RAB44: variants seen among roughly 807,000 people sequenced by gnomAD.
RAB44 encodes RAB44, member RAS oncogene family.
RAB44 carries 67 observed loss-of-function variants against 93.3 expected under a neutral mutation model. That is an observed-to-expected ratio of 0.72 (90% CI 0.59 to 0.88). RAB44 has a LOEUF of 0.88. RAB44 is among the 40% of genes least tolerant of loss of function. RAB44 has a pLI of 0.00. For missense variants in RAB44, 1,064 were observed against 1,261.7 expected (o/e 0.84, Z 2.37); for synonymous variants, 427 against 520.3 (o/e 0.82, Z 2.44).
chr6:36,708,365 G>A (rs1283495371), intron 2 of RAB44, among the ~76,000 whole-genome samples: 1 of 152,116 alleles, frequency 6.6e-6, no homozygotes, highest in Non-Finnish European at 1.5e-5. Context: ...CATCTCTTCT[G>A]ATTTGATTGC....
At chr6:36,714,179 C>T (rs1293669485) in intron 3 of RAB44, among the ~76,000 whole-genome samples, 1 of 152,232 alleles carries the variant, frequency 6.6e-6, no homozygotes, top group Non-Finnish European at 1.5e-5. Flanking sequence ...TCTCCTGAGC[C>T]AGAGGTCTTG....
rs1562060453 is a variant in RAB44, at chr6:36,717,760, T to TGGTGGG, written c.642-267_642-266insGTGGGG. ...AGGGAGTGGGGACTGAGTGATGGGGTGATGGGGACAATGAGACCCTGGCCA... is the reference window on the plus strand; with the variant it reads ...AGGGAGTGGGGACTGAGTGATGGGGTGGTGGGGATGGGGACAATGAGACCCTGGCCA... On this transcript the variant is annotated intron_variant, in intron 5 of 13. Transcript: ENST00000612677. This position sits in a 1 kb window ranked among gnomAD's most constrained non-coding sequence, Gnocchi z 4.1. 6.6e-6 allele frequency among the ~76,000 whole-genome samples: 1 copy of TGGTGGG among 151,186 alleles called. No homozygotes were observed. The highest frequency in any genetic ancestry group is 2.1e-4 in the South Asian group (1 of 4,764).
At chr6:36,728,030 T>C (rs1763279217) in intron 11 of RAB44, among the ~76,000 whole-genome samples, 2 of 152,226 alleles carry the variant, frequency 1.3e-5, no homozygotes, top group Non-Finnish European at 2.9e-5. Flanking sequence ...CATCTCTAGT[T>C]TTTCCCCTGC....
chr6:36,731,260 GC>G lies in RAB44; in HGVS notation c.2975+513del, dbSNP rs969627602. 1.3e-5 allele frequency among the ~76,000 whole-genome samples: 2 copies of G among 151,918 alleles called. No individual in the cohort carries two copies. Among genetic ancestry groups the G allele is most frequent in the Non-Finnish European group, 2.9e-5 (2 of 67,982 alleles). On this transcript the variant is annotated intron_variant, in intron 13 of 13. Transcript: ENST00000612677. The surrounding 1 kb of genome is among the most constrained non-coding windows in gnomAD (Gnocchi z 4.0). ...AGACTCCCTCCCTGATCACCCACCTGCCATCACTATTTTGGATCACAGCCCC... is the reference window on the plus strand; with the variant it reads ...AGACTCCCTCCCTGATCACCCACCTGCATCACTATTTTGGATCACAGCCCC...
At chr6:36,720,971 C>G (rs1273629296) in intron 8 of RAB44, among the ~76,000 whole-genome samples, 180 bp from the exon 9 acceptor site, 1 of 152,092 alleles carries the variant, frequency 6.6e-6, no homozygotes, top group Non-Finnish European at 1.5e-5. Flanking sequence ...TGAGGATGGA[C>G]AGGATTGGAT....
At position 36,717,345 on chromosome 6, in the gene RAB44, C is replaced by T. The variant is rs2150334045; in HGVS notation, c.567C>T (p.Gly189=). ...EEPQLAGNLA[G]FLAKMTSRLQ... is the part of the protein sequence containing the mutation. ...CCCAGCTGGCAGGCAACCTGGCAGG[C>T]TTTCTGGCCAAGATGACCAGCCGCC... Residue 189 remains glycine, a synonymous_variant, in exon 5 of 14, where the codon GGC becomes GGT. Coordinates refer to ENST00000612677, the MANE Select transcript of RAB44 (RefSeq NM_001257357.2). The surrounding 1 kb of genome is among the most constrained non-coding windows in gnomAD (Gnocchi z 4.1). 8.1e-7 allele frequency: 1 copy of T among 1,232,172 alleles called. No individual in the cohort carries two copies. The highest frequency in any genetic ancestry group is 3.2e-5 in the East Asian group (1 of 31,710). 76.3% of individuals were successfully genotyped at this position (1,232,172 alleles called of 1,614,324 possible).
At chr6:36,699,135 G>A (rs535283659) in intron 1 of RAB44, among the ~76,000 whole-genome samples, 1 of 152,286 alleles carries the variant, frequency 6.6e-6, no homozygotes, top group African/African-American at 2.4e-5. Context: ...CAGGCAAGGA[G>A]CGGGTGGCTG....
intron 9 of RAB44, among the ~76,000 whole-genome samples, chr6:36,725,584 T>C (rs1044853671): frequency 1.3e-5 from 2 of 152,130 alleles, no homozygotes; most frequent in Non-Finnish European, 2.9e-5. Flanking sequence ...ACTGTAAAAA[T>C]AAAATAATGA....
At position 36,722,441 on chromosome 6, in the gene RAB44, T is replaced by C. The variant is rs577025878; in HGVS notation, c.2307T>C (p.Ala769=). 6.7e-5 allele frequency: 96 copies of C among 1,437,112 alleles called. No homozygotes were observed. In the African/African-American group the frequency reaches 1.3e-3, roughly 19 times the overall value. The allele number at this position is 1,437,112 out of a possible 1,614,324, so 89.0% of individuals were successfully genotyped here. A position where few individuals can be genotyped will look rare whatever the true frequency, so the allele number is the denominator to read the frequency against. The change falls in exon 9 of 14, where the codon GCT becomes GCC. Residue 769 remains alanine (A), a synonymous_variant. Coordinates refer to ENST00000612677, the MANE Select transcript of RAB44 (RefSeq NM_001257357.2). The stretch of plus-strand genomic sequence containing the variant: ...CCACGCAAACCCCTCCCACCATGGC[T>C]GAGCAGGAAGCCCAACCCAGGCCAT... The part of the protein sequence containing the change: ...QEPTQTPPTM[A]EQEAQPRPSL...
intron 3 of RAB44, among the ~76,000 whole-genome samples, chr6:36,715,072 T>G (rs567637489): frequency 2.0e-5 from 3 of 151,302 alleles, no homozygotes; most frequent in Non-Finnish European, 2.9e-5. Context: ...CCCTGCATAT[T>G]CCTTTGGCTC....
At chr6:36,724,652 T>TCAACCAACCAACCAACCAACCAACCAAC in intron 9 of RAB44, among the ~76,000 whole-genome samples, 1 of 148,928 alleles carries the variant, frequency 6.7e-6, no homozygotes, top group African/African-American at 2.5e-5. Context: ...AACCAACCAA[T>TCAACCAACCAACCAACCAACCAACCAAC]CAACCAACCA....
At chr6:36,719,051 C>T (rs1238495808) in intron 7 of RAB44, among the ~76,000 whole-genome samples, 2 of 152,188 alleles carry the variant, frequency 1.3e-5, no homozygotes, top group African/African-American at 4.8e-5. Context: ...TCCCGAGTAG[C>T]TGGGACTACA....
rs957867912 is a variant in RAB44 at position 36,722,258 on chromosome 6, G to C, written c.2124G>C (p.Ser708=). 4 of 1,272,314 alleles carry C rather than the reference G, an allele frequency of 3.1e-6. No individual in the cohort carries two copies. Among genetic ancestry groups the C allele is most frequent in the Non-Finnish European group, 4.0e-6 (4 of 1,010,780 alleles). The allele number at this position is 1,272,314 out of a possible 1,614,324, so 78.8% of individuals were successfully genotyped here. The stretch of plus-strand genomic sequence containing the variant: ...CTCACGGCCTAGAAACTGCGCATTC[G>C]GAACTCCCCCAGCAAGACTCTCTGC... ...VEAHGLETAH[S]ELPQQDSLLV... The change falls in exon 9 of 14, where the codon TCG becomes TCC. Residue 708 remains serine (S), a synonymous_variant. Transcript: ENST00000612677.
intron 9 of RAB44, among the ~76,000 whole-genome samples, chr6:36,723,136 G>C (rs1763140218): frequency 6.6e-6 from 1 of 152,216 alleles, no homozygotes; most frequent in African/African-American, 2.4e-5. Flanking sequence ...AAGTCACCTT[G>C]GGCAAGTTGG....
chr6:36,725,532 A>C (rs935566356), intron 9 of RAB44, among the ~76,000 whole-genome samples: 2 of 152,160 alleles, frequency 1.3e-5, no homozygotes, highest in African/African-American at 4.8e-5. Context: ...TCTCGTTAAG[A>C]GAGGAAAGTG....
rs910236557 is a variant in RAB44, at chr6:36,713,847, T to C, written c.227T>C (p.Leu76Pro). The C allele has an allele frequency of 2.0e-6, 3 of 1,535,948 alleles. No homozygotes were observed. The highest frequency in any genetic ancestry group is 1.4e-5 in the African/African-American group (1 of 73,046). ...EDLAVAKFSF[L>P]GSKEESEMIF... ...TTCCAGGTGGCCAAGTTCAGCTTCC[T>C]GGGCAGCAAGGAAGAGTCAGAGATG... The change falls in exon 3 of 14, where the codon CTG becomes CCG. Residue 76 changes from leucine (L) to proline (P), a missense_variant. Leu to Pro is a moderately conservative substitution (Grantham distance 98). Transcript: ENST00000612677.
At chr6:36,728,556 A>C in intron 11 of RAB44, 144 bp from the exon 12 acceptor site, 1 of 647,840 alleles carries the variant, frequency 1.5e-6, no homozygotes. Flanking sequence ...GGATGGGGGA[A>C]AGGGTCCAGG....
intron 12 of RAB44, among the ~76,000 whole-genome samples, chr6:36,729,991 A>G (rs771747382): frequency 1.6e-4 from 25 of 152,226 alleles, no homozygotes; most frequent in Non-Finnish European, 3.2e-4. Flanking sequence ...TAAACTGTGG[A>G]TGTTCATGTG....
intron 1 of RAB44, among the ~76,000 whole-genome samples, chr6:36,701,604 C>T (rs1009121462): frequency 2.2e-4 from 33 of 152,192 alleles, no homozygotes; most frequent in African/African-American, 8.0e-4. Context: ...CCCAGGAAGC[C>T]CTCTCTGACA....
Sources: allele counts gnomAD v4.1 joint callset (sites outside exome capture counted in the v4.1 genomes callset), GRCh38; gene constraint gnomAD v4.1.1; non-coding constraint Gnocchi (gnomAD v3.1); transcripts MANE v1.5; gene names NCBI Gene and HGNC (gene_info 2026-07-23, HGNC 2026-07-21).